The following ARHGAP10 variants were observed in gnomAD, a reference collection of about 807,000 sequenced individuals.
ARHGAP10 encodes the protein Rho GTPase activating protein 10, also known as rho GTPase-activating protein 10.
A neutral mutation model predicts 108.6 loss-of-function variants in ARHGAP10; 87 were observed. That is an observed-to-expected ratio of 0.80 (90% CI 0.67 to 0.96). The LOEUF (loss-of-function observed/expected upper bound fraction) is 0.96, where lower values mean the gene tolerates loss of function less well. Ranked by LOEUF, ARHGAP10 falls within the 40% of genes least tolerant of loss-of-function variation. ARHGAP10 has a pLI of 0.00. For synonymous variants in ARHGAP10, 347 were observed against 341.1 expected, an observed-to-expected ratio of 1.02 and a Z score of -0.19; for missense variants, 939 against 954.5, an observed-to-expected ratio of 0.98 and a Z score of 0.21.
chr4:147,966,883 C>G, intron 18 of ARHGAP10, 44 bp downstream of exon 18: 2 of 1,477,356 alleles, frequency 1.4e-6, no homozygotes, highest in Non-Finnish European at 1.8e-6. Context: ...TTCGGCTTGT[C>G]GCCATGTACT....
intron 18 of ARHGAP10, among the ~76,000 whole-genome samples, chr4:147,992,784 C>T (rs1740330713): frequency 6.6e-6 from 1 of 152,192 alleles, no homozygotes; most frequent in Non-Finnish European, 1.5e-5. Context: ...TTCCTCCTCC[C>T]ATGAGCCATC....
intron 18 of ARHGAP10, among the ~76,000 whole-genome samples, chr4:147,988,813 G>A (rs115210835): frequency 1.6e-3 from 245 of 152,296 alleles, no homozygotes; most frequent in African/African-American, 5.3e-3. Context: ...TCAGACTCAT[G>A]CTTTATTCTG....
intron 1 of ARHGAP10, among the ~76,000 whole-genome samples, chr4:147,769,549 T>C (rs1172049647): frequency 6.6e-6 from 1 of 152,214 alleles, no homozygotes; most frequent in Non-Finnish European, 1.5e-5. Context: ...GGGATTTCCG[T>C]ATGTTAACAA....
chr4:147,908,774 T>C lies in ARHGAP10; in HGVS notation c.1117-958T>C, dbSNP rs577082188. On this transcript the variant is annotated intron_variant, in intron 11 of 22. Transcript: ENST00000336498. ...AGCAGTTTCCTTATCACTCCATAGC[T>C]GTACGGCTGAGTATTTCAAGTATAC... 6.6e-5 allele frequency among the ~76,000 whole-genome samples: 10 copies of C among 152,348 alleles called. No individual in the cohort carries two copies. The South Asian group carries it at 2.1e-3, about 32-fold the overall frequency.
chr4:147,741,831 A>G lies in ARHGAP10; in HGVS notation c.154+9376A>G, dbSNP rs1048946274. On this transcript the variant is annotated intron_variant, in intron 1 of 22. Coordinates refer to ENST00000336498, the MANE Select transcript of ARHGAP10 (RefSeq NM_024605.4). ...ACACACACACACACACACACACACC[A>G]GGCGCTTTGCATTCTAAAGGCAGGC... Among the ~76,000 whole-genome samples, 66 of 134,892 alleles carry G rather than the reference A, an allele frequency of 4.9e-4. 1 individual carries two copies. Among genetic ancestry groups the G allele is most frequent in the Admixed American group, 1.5e-4 (2 of 13,724 alleles). 88.5% of individuals were successfully genotyped at this position (134,892 alleles called of 152,430 possible). A position where few individuals can be genotyped will look rare whatever the true frequency, so the allele number is the denominator to read the frequency against.
At chr4:147,783,625 C>T (rs1330092369) in intron 1 of ARHGAP10, among the ~76,000 whole-genome samples, 8 of 144,562 alleles carry the variant, frequency 5.5e-5, no homozygotes, top group African/African-American at 2.0e-4. Flanking sequence ...TTATAGAACA[C>T]ATTAAATTGT....
chr4:148,046,254 A>C (rs968110635), intron 19 of ARHGAP10, among the ~76,000 whole-genome samples: 1 of 152,182 alleles, frequency 6.6e-6, no homozygotes, highest in African/African-American at 2.4e-5. Flanking sequence ...GAATGGATAC[A>C]TTGTGCAACT....
chr4:147,966,933 G>C (rs1420857645), intron 18 of ARHGAP10, 94 bp downstream of exon 18: 4 of 1,166,040 alleles, frequency 3.4e-6, no homozygotes, highest in Non-Finnish European at 4.5e-6. Context: ...CTCTCTCTCT[G>C]TTTAAAAAAA....
At chr4:147,964,392 C>T (rs1332174583) in intron 16 of ARHGAP10, among the ~76,000 whole-genome samples, 2 of 152,230 alleles carry the variant, frequency 1.3e-5, no homozygotes. Flanking sequence ...TCCTCTGCCT[C>T]TTGATCGACG....
chr4:147,791,102 A>G (rs554363818), intron 1 of ARHGAP10, among the ~76,000 whole-genome samples: 1 of 149,872 alleles, frequency 6.7e-6, no homozygotes, highest in South Asian at 2.1e-4. Flanking sequence ...CAAACTGTAC[A>G]TATTCTTTAC....
At chr4:147,923,232 A>T (rs1200083347) in intron 13 of ARHGAP10, among the ~76,000 whole-genome samples, 1 of 152,182 alleles carries the variant, frequency 6.6e-6, no homozygotes, top group African/African-American at 2.4e-5. Context: ...AAAGTACATC[A>T]TGTTATGTGT....
intron 19 of ARHGAP10, among the ~76,000 whole-genome samples, chr4:148,041,950 C>T (rs1178728054): frequency 2.0e-5 from 3 of 152,194 alleles, no homozygotes; most frequent in Admixed American, 6.5e-5. Flanking sequence ...TTGCTCTCTC[C>T]ATCCAGTGCT....
At chr4:147,773,742 G>C (rs1368224333) in intron 1 of ARHGAP10, among the ~76,000 whole-genome samples, 2 of 152,232 alleles carry the variant, frequency 1.3e-5, no homozygotes, top group Admixed American at 1.3e-4. Context: ...ATGGGGTAAA[G>C]AGAAGATTCT....
chr4:147,820,978 G>A (rs1732471253), intron 1 of ARHGAP10, among the ~76,000 whole-genome samples: 1 of 152,050 alleles, frequency 6.6e-6, no homozygotes, highest in Non-Finnish European at 1.5e-5. Flanking sequence ...GGCTAAAATA[G>A]CAGCCATTTA....
At chr4:148,022,724 G>A (rs1741613982) in intron 18 of ARHGAP10, among the ~76,000 whole-genome samples, 1 of 152,192 alleles carries the variant, frequency 6.6e-6, no homozygotes, top group African/African-American at 2.4e-5. Flanking sequence ...GGTATTAAAT[G>A]AATTGATAAA....
At chr4:147,769,914 G>C (rs1730002734) in intron 1 of ARHGAP10, among the ~76,000 whole-genome samples, 1 of 152,166 alleles carries the variant, frequency 6.6e-6, no homozygotes, top group African/African-American at 2.4e-5. Context: ...GTGGAATAAG[G>C]AGTACTTCAT....
intron 12 of ARHGAP10, among the ~76,000 whole-genome samples, chr4:147,912,705 G>C (rs76906713): frequency 7.7e-5 from 9 of 116,996 alleles, no homozygotes; most frequent in African/African-American, 2.9e-4. Context: ...ACCCAGTGCA[G>C]TGGTATGATC....
chr4:147,869,680 T>C (rs1734720146), intron 7 of ARHGAP10, among the ~76,000 whole-genome samples: 1 of 152,178 alleles, frequency 6.6e-6, no homozygotes, highest in South Asian at 2.1e-4. Context: ...TATTCCTCTC[T>C]TGATTTTATT....
chr4:147,979,699 T>C (rs1350595838), intron 18 of ARHGAP10, among the ~76,000 whole-genome samples: 1 of 152,228 alleles, frequency 6.6e-6, no homozygotes, highest in Non-Finnish European at 1.5e-5. Flanking sequence ...TTGTATTGTC[T>C]GTGATATCTT....
Sources: allele counts gnomAD v4.1 joint callset (sites outside exome capture counted in the v4.1 genomes callset), GRCh38; gene constraint gnomAD v4.1.1; transcripts MANE v1.5; gene names NCBI Gene and HGNC (gene_info 2026-07-23, HGNC 2026-07-21).